Variants in SNX29 observed in about 807,000 individuals in gnomAD.
SNX29 encodes the protein sorting nexin 29.
In SNX29, 78 loss-of-function variants were observed where a neutral mutation model predicts 102.1. The ratio of observed to expected loss-of-function variants is 0.76; its 90% CI spans 0.64 to 0.92. The LOEUF (loss-of-function observed/expected upper bound fraction) is 0.92. Ranked by LOEUF, SNX29 falls within the 40% of genes least tolerant of loss-of-function variation. SNX29 has a pLI of 0.00. For missense variants in SNX29, 1,280 were observed against 1,061.7 expected (o/e 1.21, Z -2.86); for synonymous variants, 580 against 414.5 (o/e 1.40, Z -4.85).
intron 13 of SNX29, among the ~76,000 whole-genome samples, chr16:12,182,358 A>G (rs1487151834): frequency 6.6e-6 from 1 of 152,142 alleles, no homozygotes; most frequent in African/African-American, 2.4e-5. Flanking sequence ...GCTGCCAGCA[A>G]GGGTGAAATT....
rs540372039 is a variant in SNX29 at position 12,061,938 on chromosome 16, T to C, written c.1243+292T>C. ...TTTTTCTCCCTTACCAGTGGCCCGT[T>C]GAACTTGGTCGTTTAAAAGCTGACC... On this transcript the variant is annotated intron_variant, in intron 9 of 20. Transcript: ENST00000566228. Among the ~76,000 whole-genome samples, 38 of 152,274 alleles carry C rather than the reference T, an allele frequency of 2.5e-4. No individual in the cohort carries two copies. In the South Asian group the frequency reaches 6.2e-3, roughly 25 times the overall value.
In SNX29 at chr16:12,495,368, G is replaced by A. The variant is rs919185136; in HGVS notation, c.2178+17509G>A. Among the ~76,000 whole-genome samples, 3 of 151,804 alleles carry A rather than the reference G, an allele frequency of 2.0e-5. No homozygotes were observed. The East Asian group carries it at 5.8e-4, about 30-fold the overall frequency. On this transcript the variant is annotated intron_variant, in intron 19 of 20. Coordinates refer to ENST00000566228, the MANE Select transcript of SNX29 (RefSeq NM_032167.5). Reference sequence around the variant, plus strand: ...GGTTTCACCATGTTGTCCAGGTCTCGAACTCCTGACCTCAAGTGATCCACC... The same window carrying A: ...GGTTTCACCATGTTGTCCAGGTCTCAAACTCCTGACCTCAAGTGATCCACC...
rs139423066 is a variant in SNX29, at chr16:12,568,875, C to T, written c.*246C>T. 3.7e-3 allele frequency: 2,189 copies of T among 585,800 alleles called. 5 individuals carry two copies. The highest frequency in any genetic ancestry group is 5.5e-3 in the Non-Finnish European group (1,887 of 344,300). 36.3% of individuals were successfully genotyped at this position (585,800 alleles called of 1,614,324 possible). On this transcript the variant is annotated 3_prime_UTR_variant, in exon 21 of 21. Coordinates refer to ENST00000566228, the MANE Select transcript of SNX29 (RefSeq NM_032167.5). Reference sequence around the variant, plus strand: ...ACTGGGACACACAGTCCTTCTGCTTCTGGGGTCTACCCTGGGCTGCAAGGG... The same window carrying T: ...ACTGGGACACACAGTCCTTCTGCTTTTGGGGTCTACCCTGGGCTGCAAGGG...
intron 14 of SNX29, among the ~76,000 whole-genome samples, chr16:12,244,437 T>C (rs2078202426): frequency 6.6e-6 from 1 of 152,098 alleles, no homozygotes; most frequent in Admixed American, 6.6e-5. Context: ...GGAGAAACAC[T>C]GTCTCTACCA....
intron 3 of SNX29, among the ~76,000 whole-genome samples, chr16:12,016,261 A>G (rs973326677): frequency 2.0e-4 from 31 of 152,282 alleles, no homozygotes; most frequent in African/African-American, 6.5e-4. Flanking sequence ...GATTTTTACT[A>G]TGATGGACAA....
At chr16:12,358,670 T>A (rs1400579259) in intron 16 of SNX29, among the ~76,000 whole-genome samples, 1 of 152,216 alleles carries the variant, frequency 6.6e-6, no homozygotes, top group East Asian at 1.9e-4. Flanking sequence ...GAGGAAAGAA[T>A]ACTGCACAGA....
Position 12,573,529 on chromosome 16 carries a change from C to T in SNX29, c.*4900C>T, listed in dbSNP as rs540942180. The T allele has an allele frequency of 4.9e-5, 11 of 224,896 alleles. No homozygotes were observed. Among genetic ancestry groups the T allele is most frequent in the Admixed American group, 1.1e-4 (2 of 17,520 alleles). 13.9% of individuals were successfully genotyped at this position (224,896 alleles called of 1,614,324 possible). ...AAGAGGCCCAGGGATTTAGTTCTTACTGGTGCGTAAGTGTTTTCCCATCCT... is the reference window on the plus strand; with the variant it reads ...AAGAGGCCCAGGGATTTAGTTCTTATTGGTGCGTAAGTGTTTTCCCATCCT... On this transcript the variant is annotated 3_prime_UTR_variant, in exon 21 of 21. Transcript: ENST00000566228.
At chr16:11,993,476 G>A (rs1032318879) in intron 1 of SNX29, among the ~76,000 whole-genome samples, 1 of 152,150 alleles carries the variant, frequency 6.6e-6, no homozygotes, top group Non-Finnish European at 1.5e-5. Context: ...ATACCTTGGG[G>A]TAAGGGTTGC....
chr16:12,495,623 C>T (rs956898175), intron 19 of SNX29, among the ~76,000 whole-genome samples: 2 of 152,168 alleles, frequency 1.3e-5, no homozygotes, highest in African/African-American at 4.8e-5. Context: ...TGCTGGCCGG[C>T]GGAGCCATTG....
In SNX29 at chr16:12,571,306, G is replaced by T. The variant is rs372558683; in HGVS notation, c.*2677G>T. On this transcript the variant is annotated 3_prime_UTR_variant, in exon 21 of 21. Transcript: ENST00000566228. ...TGCCCAAATTCCACACCCTGGAAAT[G>T]TGTCAACTGCCTGTCAGCCTGGATT... 48 of 232,054 alleles carry T rather than the reference G, an allele frequency of 2.1e-4. No individual in the cohort carries two copies. The highest frequency in any genetic ancestry group is 2.9e-4 in the Non-Finnish European group (34 of 117,388). 14.4% of individuals were successfully genotyped at this position (232,054 alleles called of 1,614,324 possible). A position where few individuals can be genotyped will look rare whatever the true frequency, so the allele number is the denominator to read the frequency against.
intron 10 of SNX29, among the ~76,000 whole-genome samples, 183 bp from the exon 11 acceptor site, chr16:12,078,650 G>T (rs1367774462): frequency 6.6e-6 from 1 of 152,208 alleles, no homozygotes; most frequent in Non-Finnish European, 1.5e-5. Context: ...ATAAATTTTA[G>T]TGCGTAGATG....
At chr16:12,415,407 A>G (rs552247587) in intron 18 of SNX29, among the ~76,000 whole-genome samples, 1 of 152,228 alleles carries the variant, frequency 6.6e-6, no homozygotes, top group Non-Finnish European at 1.5e-5. Context: ...CACACACAGC[A>G]TTTCTGATGT....
intron 15 of SNX29, among the ~76,000 whole-genome samples, chr16:12,322,285 G>A (rs187173481): frequency 1.3e-5 from 2 of 152,148 alleles, no homozygotes; most frequent in African/African-American, 4.8e-5. Flanking sequence ...CGAGGAGTCA[G>A]CTTGCCCAGA....
At position 12,555,207 on chromosome 16, in the gene SNX29, G is replaced by A. The variant is rs373647924; in HGVS notation, c.2319-13299G>A. On this transcript the variant is annotated intron_variant, in intron 20 of 20. Coordinates refer to ENST00000566228, the MANE Select transcript of SNX29 (RefSeq NM_032167.5). ...AGGTGTGGCATGCAGACTGGACTATGGGCAGCTGCTGGGTACAGGGAGAAA... is the reference window on the plus strand; with the variant it reads ...AGGTGTGGCATGCAGACTGGACTATAGGCAGCTGCTGGGTACAGGGAGAAA... Among the ~76,000 whole-genome samples, 4 of 151,992 alleles carry A rather than the reference G, an allele frequency of 2.6e-5. No individual in the cohort carries two copies. The East Asian group carries it at 6.0e-4, about 23-fold the overall frequency.
chr16:12,027,593 G>A, intron 4 of SNX29, 149 bp downstream of exon 4: 1 of 872,736 alleles, frequency 1.1e-6, no homozygotes, highest in Non-Finnish European at 1.7e-6. Context: ...CTTAATAGTA[G>A]TCAAAACGTA....
chr16:12,303,399 A>G (rs1306367490), intron 15 of SNX29, among the ~76,000 whole-genome samples: 1 of 152,236 alleles, frequency 6.6e-6, no homozygotes, highest in Non-Finnish European at 1.5e-5. Flanking sequence ...AGAAATCAAC[A>G]CAGCAAGGAA....
chr16:12,172,879 C>T (rs1218043767), intron 13 of SNX29, among the ~76,000 whole-genome samples: 2 of 152,148 alleles, frequency 1.3e-5, no homozygotes, highest in Non-Finnish European at 2.9e-5. Context: ...GCTTTGTGGG[C>T]CGTATGGTCT....
rs189445551 is a variant in SNX29 at position 12,552,169 on chromosome 16, C to A, written c.2319-16337C>A. ...TCCAGTACAGCTTAATCTACTAATC[C>A]TGCAGAAAGGGAAACAACGGCAGAT... On this transcript the variant is annotated intron_variant, in intron 20 of 20. Coordinates refer to ENST00000566228, the MANE Select transcript of SNX29 (RefSeq NM_032167.5). Among the ~76,000 whole-genome samples, 8 of 152,276 alleles carry A rather than the reference C, an allele frequency of 5.3e-5. No homozygotes were observed. The East Asian group carries it at 9.6e-4, about 18-fold the overall frequency.
At chr16:12,114,040 T>A (rs1015494773) in intron 11 of SNX29, among the ~76,000 whole-genome samples, 1 of 152,246 alleles carries the variant, frequency 6.6e-6, no homozygotes, top group Non-Finnish European at 1.5e-5. Flanking sequence ...TTACTTGCCG[T>A]GACATCACAT....
Sources: gnomAD v4.1 joint callset for allele counts (sites outside exome capture counted in the v4.1 genomes callset) on GRCh38, gnomAD v4.1.1 for gene constraint, MANE v1.5 for transcripts, NCBI Gene and HGNC (gene_info 2026-07-23, HGNC 2026-07-21) for gene names.